RBFOX1: variants seen among roughly 807,000 people sequenced by gnomAD.
RBFOX1 encodes RNA binding fox-1 homolog 1, also known as RNA binding protein fox-1 homolog 1.
A neutral mutation model predicts 57.7 loss-of-function variants in RBFOX1; 8 were observed. The ratio of observed to expected loss-of-function variants is 0.14; its 90% CI spans 0.08 to 0.25. RBFOX1 has a LOEUF of 0.25. Ranked by LOEUF, RBFOX1 falls within the 10% of genes least tolerant of loss-of-function variation. RBFOX1 has a pLI of 1.00. For missense variants in RBFOX1, 611 were observed against 548.5 expected (o/e 1.11, Z -1.14); for synonymous variants, 326 against 222.4 (o/e 1.47, Z -4.15).
chr16:6,676,824 C>T (rs757982005), intron 3 of RBFOX1, among the ~76,000 whole-genome samples: 20 of 151,676 alleles, frequency 1.3e-4, no homozygotes, highest in African/African-American at 2.2e-4. Context: ...TACAGGCACC[C>T]GCCACCACTC....
intron 2 of RBFOX1, among the ~76,000 whole-genome samples, chr16:6,400,371 C>T (rs138883363): frequency 1.3e-3 from 205 of 152,196 alleles, no homozygotes; most frequent in African/African-American, 4.6e-3. Context: ...ATGCAGATAT[C>T]ACAAGAGAAA....
intron 3 of RBFOX1, among the ~76,000 whole-genome samples, chr16:5,839,246 A>G (rs772636867): frequency 2.0e-5 from 3 of 152,180 alleles, no homozygotes; most frequent in Non-Finnish European, 4.4e-5. Flanking sequence ...TCCTCTGTTC[A>G]ATACTTATGA....
chr16:6,924,767 G>C (rs917019020), intron 3 of RBFOX1, among the ~76,000 whole-genome samples: 17 of 151,030 alleles, frequency 1.1e-4, no homozygotes, highest in African/African-American at 3.9e-4. Flanking sequence ...TGCCATGTTG[G>C]TGTGCTGCAC....
intron 1 of RBFOX1, among the ~76,000 whole-genome samples, chr16:6,142,083 C>A (rs991068521): frequency 6.9e-6 from 1 of 143,992 alleles, no homozygotes; most frequent in East Asian, 2.0e-4. Context: ...ACCTGGAATA[C>A]TGCTTCTTGC....
chr16:6,955,018 C>T (rs1235144235), intron 3 of RBFOX1, among the ~76,000 whole-genome samples: 2 of 151,354 alleles, frequency 1.3e-5, no homozygotes, highest in South Asian at 2.1e-4. Context: ...ATTGCTTGAG[C>T]CCGGGAGTTC....
At chr16:6,455,498 T>C (rs917635639) in intron 2 of RBFOX1, among the ~76,000 whole-genome samples, 1 of 152,168 alleles carries the variant, frequency 6.6e-6, no homozygotes, top group African/African-American at 2.4e-5. Context: ...AGCTATCTCT[T>C]AGAGGGCAGG....
At chr16:6,919,450 GTTT>G (rs59195239) in intron 3 of RBFOX1, among the ~76,000 whole-genome samples, 1 of 149,496 alleles carries the variant, frequency 6.7e-6, no homozygotes, top group South Asian at 2.1e-4. Context: ...AACATAGAGG[GTTT>G]TTTTTTTTAA....
intron 1 of RBFOX1, among the ~76,000 whole-genome samples, chr16:6,216,914 C>T (rs1362127472): frequency 6.6e-6 from 1 of 151,682 alleles, no homozygotes; most frequent in Non-Finnish European, 1.5e-5. Flanking sequence ...CTTTGATAAT[C>T]AGGCTGGTCT....
At chr16:6,747,734 T>A (rs2074051432) in intron 3 of RBFOX1, among the ~76,000 whole-genome samples, 1 of 152,174 alleles carries the variant, frequency 6.6e-6, no homozygotes, top group Non-Finnish European at 1.5e-5. Flanking sequence ...ACCATCCGCT[T>A]CATGGACAGC....
At chr16:6,083,065 G>T (rs2096030263) in intron 1 of RBFOX1, among the ~76,000 whole-genome samples, 1 of 151,588 alleles carries the variant, frequency 6.6e-6, no homozygotes, top group Non-Finnish European at 1.5e-5. Flanking sequence ...GCAGTGGCAT[G>T]ATCTCGGCTC....
chr16:5,726,942 T>G (rs2151549509), intron 3 of RBFOX1, among the ~76,000 whole-genome samples: 1 of 152,222 alleles, frequency 6.6e-6, no homozygotes, highest in African/African-American at 2.4e-5. Flanking sequence ...GTGGGCACTC[T>G]TAGCCCTGGC....
At chr16:5,493,386 A>G (rs1351921797) in intron 2 of RBFOX1, among the ~76,000 whole-genome samples, 1 of 152,154 alleles carries the variant, frequency 6.6e-6, no homozygotes, top group Non-Finnish European at 1.5e-5. Context: ...TCTTTAAGAC[A>G]AACCCTCCGC....
chr16:7,049,999 A>C (rs7194220), intron 3 of RBFOX1, among the ~76,000 whole-genome samples: 14,249 of 152,208 alleles, frequency 0.094, 1,017 homozygotes, highest in East Asian at 0.28. Flanking sequence ...CCCATTAAGC[A>C]GTCACTCCTC....
intron 3 of RBFOX1, among the ~76,000 whole-genome samples, chr16:5,762,395 G>C (rs1388187509): frequency 6.6e-6 from 1 of 151,560 alleles, no homozygotes; most frequent in Non-Finnish European, 1.5e-5. Context: ...TCAAGTCAGT[G>C]TTGGCCAAGA....
chr16:5,504,649 T>C (rs1166892636), intron 2 of RBFOX1, among the ~76,000 whole-genome samples: 1 of 152,242 alleles, frequency 6.6e-6, no homozygotes, highest in East Asian at 1.9e-4. Flanking sequence ...AGAGCAGATG[T>C]ACTGTCTACC....
At chr16:7,202,251 A>G (rs1025375504) in intron 4 of RBFOX1, among the ~76,000 whole-genome samples, 13 of 152,094 alleles carry the variant, frequency 8.5e-5, no homozygotes, top group African/African-American at 3.1e-4. Flanking sequence ...AAGACAAATA[A>G]AAATTACAAT....
intron 2 of RBFOX1, among the ~76,000 whole-genome samples, chr16:6,637,167 T>A (rs571401012): frequency 1.2e-5 from 1 of 82,084 alleles, no homozygotes; most frequent in Admixed American, 2.1e-4. Context: ...ATATTATATA[T>A]TATATATATT....
chr16:5,284,531 T>A (rs2063344313), intron 1 of RBFOX1, among the ~76,000 whole-genome samples: 1 of 145,906 alleles, frequency 6.9e-6, no homozygotes, highest in South Asian at 2.2e-4. Flanking sequence ...ATCTGGGAAA[T>A]ATTTTTTCTT....
At chr16:6,910,287 G>T (rs180850106) in intron 3 of RBFOX1, among the ~76,000 whole-genome samples, 1 of 152,112 alleles carries the variant, frequency 6.6e-6, no homozygotes, top group African/African-American at 2.4e-5. Flanking sequence ...ATCGTGTAGG[G>T]AGTTGGGCAC....
Sources: allele counts gnomAD v4.1 joint callset (sites outside exome capture counted in the v4.1 genomes callset), GRCh38; gene constraint gnomAD v4.1.1; transcripts MANE v1.5; gene names NCBI Gene and HGNC (gene_info 2026-07-23, HGNC 2026-07-21).